PTPRK: variants seen among roughly 807,000 people sequenced by gnomAD.
PTPRK encodes the protein receptor-type tyrosine-protein phosphatase kappa.
PTPRK carries 75 observed loss-of-function variants against 178.0 expected under a neutral mutation model. The observed-to-expected ratio is 0.42, with a 90% CI of 0.35 to 0.51. The LOEUF is 0.51. Among genes scored for constraint, PTPRK ranks in the 20% least tolerant of loss-of-function variants. The probability of loss-of-function intolerance (pLI) is 0.02; values close to 1 mark genes in which losing one functional copy is unlikely to be tolerated. For synonymous variants in PTPRK, 637 were observed against 620.6 expected (o/e 1.03, Z -0.39); for missense variants, 1,441 against 1,797.8 (o/e 0.80, Z 3.59).
At chr6:128,125,085 A>G (rs1489644170) in intron 7 of PTPRK, among the ~76,000 whole-genome samples, 1 of 152,206 alleles carries the variant, frequency 6.6e-6, no homozygotes, top group Non-Finnish European at 1.5e-5. Flanking sequence ...GACACATTCT[A>G]TTGTTTCAAA....
At chr6:128,015,211 T>C (rs1331516519) in intron 13 of PTPRK, among the ~76,000 whole-genome samples, 1 of 151,728 alleles carries the variant, frequency 6.6e-6, no homozygotes, top group Non-Finnish European at 1.5e-5. Context: ...AAATACTTTT[T>C]AAGAAAGCAA....
chr6:128,214,250 G>A (rs1808799001), intron 6 of PTPRK, among the ~76,000 whole-genome samples: 1 of 152,018 alleles, frequency 6.6e-6, no homozygotes, highest in Non-Finnish European at 1.5e-5. Flanking sequence ...TAAAGCAAGT[G>A]ATTCCATGAA....
At chr6:128,408,340 A>C (rs1198571669) in intron 1 of PTPRK, among the ~76,000 whole-genome samples, 1 of 152,224 alleles carries the variant, frequency 6.6e-6, no homozygotes, top group African/African-American at 2.4e-5. Flanking sequence ...GTGAGCCGAG[A>C]TCGTGCCATT....
At chr6:128,177,658 G>T (rs1801275665) in intron 7 of PTPRK, among the ~76,000 whole-genome samples, 1 of 151,676 alleles carries the variant, frequency 6.6e-6, no homozygotes, top group Non-Finnish European at 1.5e-5. Flanking sequence ...GCCTTGAATT[G>T]GGATGTATGA....
At chr6:128,421,303 G>C (rs1185460012) in intron 1 of PTPRK, among the ~76,000 whole-genome samples, 1 of 152,154 alleles carries the variant, frequency 6.6e-6, no homozygotes, top group African/African-American at 2.4e-5. Flanking sequence ...AGTTTGGAAA[G>C]ATGGGAGCAA....
At chr6:128,388,045 C>T (rs1006609421) in intron 2 of PTPRK, among the ~76,000 whole-genome samples, 1 of 151,936 alleles carries the variant, frequency 6.6e-6, no homozygotes, top group African/African-American at 2.4e-5. Flanking sequence ...GCATGTGGCC[C>T]ACAGGTTAGA....
intron 1 of PTPRK, among the ~76,000 whole-genome samples, chr6:128,498,772 T>C (rs201767930): frequency 7.2e-5 from 11 of 152,102 alleles, no homozygotes; most frequent in African/African-American, 2.2e-4. Flanking sequence ...CCCACATAGA[T>C]AGATAAATAG....
At chr6:128,323,942 T>C (rs943895494) in intron 2 of PTPRK, among the ~76,000 whole-genome samples, 4 of 152,136 alleles carry the variant, frequency 2.6e-5, no homozygotes, top group Non-Finnish European at 5.9e-5. Flanking sequence ...AAAAAGGATA[T>C]CCTGGATCCC....
chr6:128,259,929 C>T (rs111674925), intron 3 of PTPRK, among the ~76,000 whole-genome samples: 1,587 of 152,200 alleles, frequency 0.01, 22 homozygotes, highest in African/African-American at 0.036. Flanking sequence ...GTAAAGCAAA[C>T]GTACAACATG....
chr6:128,520,148 G>T, intron 1 of PTPRK, 111 bp downstream of exon 1: 1 of 958,164 alleles, frequency 1.0e-6, no homozygotes, highest in Non-Finnish European at 1.5e-6. Context: ...CCCACCCCCG[G>T]ACAGAGAGAG....
chr6:128,049,096 TAAATACTATGTTC>T (rs1459802605), intron 13 of PTPRK, among the ~76,000 whole-genome samples: 2 of 152,186 alleles, frequency 1.3e-5, no homozygotes, highest in Non-Finnish European at 2.9e-5. Context: ...TCTTTCACCA[TAAATACTATGTTC>T]AAATAAATTT....
intron 2 of PTPRK, among the ~76,000 whole-genome samples, chr6:128,348,117 G>T (rs1185544362): frequency 2.6e-5 from 4 of 151,850 alleles, no homozygotes; most frequent in Non-Finnish European, 5.9e-5. Context: ...AAATATTCAA[G>T]AGTCATTATA....
At chr6:128,342,344 T>C (rs1403678173) in intron 2 of PTPRK, among the ~76,000 whole-genome samples, 2 of 152,120 alleles carry the variant, frequency 1.3e-5, no homozygotes, top group Non-Finnish European at 2.9e-5. Flanking sequence ...AATTAAATAA[T>C]AATTAGTAAC....
At chr6:128,410,948 G>C (rs891468538) in intron 1 of PTPRK, among the ~76,000 whole-genome samples, 13 of 152,202 alleles carry the variant, frequency 8.5e-5, no homozygotes, top group Non-Finnish European at 1.5e-4. Flanking sequence ...CTGAAGTGCA[G>C]TGGCACGATC....
intron 7 of PTPRK, among the ~76,000 whole-genome samples, chr6:128,138,445 T>C (rs968210485): frequency 1.3e-5 from 2 of 152,156 alleles, no homozygotes; most frequent in Admixed American, 6.6e-5. Flanking sequence ...GATTTATGTA[T>C]GTGACAATTT....
At chr6:127,983,092 C>A in intron 23 of PTPRK, 112 bp from the exon 24 acceptor site, 1 of 1,317,978 alleles carries the variant, frequency 7.6e-7, no homozygotes. Context: ...AATTAAAACA[C>A]CAATATTTTT....
intron 1 of PTPRK, among the ~76,000 whole-genome samples, chr6:128,471,724 T>G (rs1850693229): frequency 6.6e-6 from 1 of 151,840 alleles, no homozygotes; most frequent in Non-Finnish European, 1.5e-5. Flanking sequence ...TCTTTTTTAT[T>G]TTTACCTATA....
intron 1 of PTPRK, among the ~76,000 whole-genome samples, chr6:128,432,772 A>ACC (rs1554262228): frequency 2.7e-5 from 4 of 150,830 alleles, no homozygotes; most frequent in African/African-American, 9.8e-5. Flanking sequence ...ACACACACAC[A>ACC]CCCTAACTCA....
intron 2 of PTPRK, among the ~76,000 whole-genome samples, chr6:128,360,085 T>C (rs2128341886): frequency 6.6e-6 from 1 of 152,276 alleles, no homozygotes; most frequent in East Asian, 1.9e-4. Flanking sequence ...TTGCTCAGAG[T>C]TGAATTTTAC....
Sources: gnomAD v4.1 joint callset for allele counts (sites outside exome capture counted in the v4.1 genomes callset) on GRCh38, gnomAD v4.1.1 for gene constraint, MANE v1.5 for transcripts, NCBI Gene and HGNC (gene_info 2026-07-23, HGNC 2026-07-21) for gene names.